Variants in GPC5 observed in about 807,000 individuals in gnomAD.
The protein encoded by GPC5 is glypican-5.
Under a neutral mutation model 53.9 loss-of-function variants are expected in GPC5, and 47 were observed. The observed-to-expected ratio is 0.87, with a 90% CI of 0.69 to 1.11. The LOEUF (loss-of-function observed/expected upper bound fraction) is 1.11. Ranked by LOEUF, GPC5 falls within the 50% of genes most tolerant of loss-of-function variation. The pLI is 0.00. For synonymous variants in GPC5, 286 were observed against 263.3 expected, an observed-to-expected ratio of 1.09 and a Z score of -0.84; for missense variants, 748 against 713.1, an observed-to-expected ratio of 1.05 and a Z score of -0.56.
At chr13:92,847,502 C>T (rs570902383) in intron 7 of GPC5, among the ~76,000 whole-genome samples, 28 of 152,206 alleles carry the variant, frequency 1.8e-4, no homozygotes, top group African/African-American at 5.1e-4. Flanking sequence ...TTAAAAGTCC[C>T]CCTTCACTCT....
At chr13:91,971,318 T>C (rs1336892533) in intron 6 of GPC5, among the ~76,000 whole-genome samples, 3,496 of 151,996 alleles carry the variant, frequency 0.023, 131 homozygotes, top group African/African-American at 0.08. Flanking sequence ...TGATATCCCC[T>C]TTATCATTTT....
At chr13:92,015,574 A>C (rs2040699523) in intron 6 of GPC5, among the ~76,000 whole-genome samples, 1 of 152,202 alleles carries the variant, frequency 6.6e-6, no homozygotes, top group African/African-American at 2.4e-5. Context: ...TGTTATTGAG[A>C]GGTAGTAAAA....
chr13:92,124,594 C>G (rs963607297), intron 6 of GPC5, among the ~76,000 whole-genome samples: 2 of 152,128 alleles, frequency 1.3e-5, no homozygotes, highest in African/African-American at 4.8e-5. Flanking sequence ...AAAATAGTCA[C>G]CCACATGTTA....
intron 7 of GPC5, among the ~76,000 whole-genome samples, chr13:92,766,920 CA>C (rs1875426705): frequency 6.6e-6 from 1 of 152,184 alleles, no homozygotes; most frequent in Admixed American, 6.5e-5. Context: ...AGAACTATTA[CA>C]ATGCCTCTAG....
At chr13:91,812,419 T>C (rs948610518) in intron 5 of GPC5, among the ~76,000 whole-genome samples, 14 of 152,216 alleles carry the variant, frequency 9.2e-5, no homozygotes, top group African/African-American at 2.9e-4. Flanking sequence ...AAAATATTTA[T>C]GAAGTACTTT....
intron 7 of GPC5, among the ~76,000 whole-genome samples, chr13:92,798,300 A>G (rs950948324): frequency 9.2e-5 from 14 of 151,898 alleles, no homozygotes; most frequent in African/African-American, 3.4e-4. Flanking sequence ...GATGATATAC[A>G]CTCAGCAATT....
chr13:92,230,164 A>G (rs1299165603), intron 7 of GPC5, among the ~76,000 whole-genome samples: 1 of 152,186 alleles, frequency 6.6e-6, no homozygotes, highest in Non-Finnish European at 1.5e-5. Context: ...ACAGCTTTGC[A>G]AGTCATATGC....
intron 6 of GPC5, among the ~76,000 whole-genome samples, chr13:92,025,654 G>C (rs1335324797): frequency 6.6e-6 from 1 of 152,094 alleles, no homozygotes; most frequent in Non-Finnish European, 1.5e-5. Flanking sequence ...CAGAAAGAGG[G>C]ATTTTGTACC....
intron 7 of GPC5, among the ~76,000 whole-genome samples, chr13:92,235,284 G>A (rs182771546): frequency 1.7e-4 from 26 of 152,188 alleles, no homozygotes; most frequent in African/African-American, 4.3e-4. Flanking sequence ...CAGAGCACCC[G>A]TGGATTGACT....
intron 7 of GPC5, among the ~76,000 whole-genome samples, chr13:92,739,560 A>G (rs887848578): frequency 2.0e-5 from 3 of 152,048 alleles, no homozygotes; most frequent in Non-Finnish European, 4.4e-5. Context: ...TTCTTTGAAT[A>G]AACTGAACAC....
intron 7 of GPC5, among the ~76,000 whole-genome samples, chr13:92,503,936 G>C (rs139443582): frequency 1.2e-4 from 18 of 151,958 alleles, no homozygotes; most frequent in African/African-American, 4.1e-4. Flanking sequence ...ATTTAAAGAA[G>C]AGTTATTTTG....
intron 2 of GPC5, among the ~76,000 whole-genome samples, chr13:91,455,099 G>A (rs77933018): frequency 0.036 from 5,529 of 151,986 alleles, 151 homozygotes; most frequent in Middle Eastern, 0.068. Flanking sequence ...AATATGTGAC[G>A]TTTATTCATT....
chr13:92,469,653 G>T (rs547803437), intron 7 of GPC5, among the ~76,000 whole-genome samples: 1 of 152,050 alleles, frequency 6.6e-6, no homozygotes, highest in Non-Finnish European at 1.5e-5. Flanking sequence ...TTTGTATAGT[G>T]CAGAATAGAC....
At chr13:91,452,438 G>C (rs1380561880) in intron 2 of GPC5, among the ~76,000 whole-genome samples, 1 of 152,104 alleles carries the variant, frequency 6.6e-6, no homozygotes, top group Admixed American at 6.6e-5. Flanking sequence ...TTTGCAAGGA[G>C]GAATGTTGGC....
intron 7 of GPC5, among the ~76,000 whole-genome samples, chr13:92,153,238 C>T (rs139538496): frequency 1.3e-5 from 2 of 152,264 alleles, no homozygotes; most frequent in African/African-American, 4.8e-5. Flanking sequence ...GTTCAATTCT[C>T]ATGCCTCAGC....
intron 7 of GPC5, among the ~76,000 whole-genome samples, chr13:92,756,094 A>G (rs1325386129): frequency 6.6e-6 from 1 of 151,786 alleles, no homozygotes; most frequent in Non-Finnish European, 1.5e-5. Context: ...AAATACTGGC[A>G]AAACGAATCC....
At chr13:92,048,832 A>G (rs1282400686) in intron 6 of GPC5, among the ~76,000 whole-genome samples, 2 of 152,194 alleles carry the variant, frequency 1.3e-5, no homozygotes, top group Non-Finnish European at 2.9e-5. Flanking sequence ...GCTTGTTTAT[A>G]ATGTTGACCA....
In GPC5 at chr13:91,894,293, C is replaced by T. The variant is rs539658738; in HGVS notation, c.1281-13644C>T. Among the ~76,000 whole-genome samples the T allele has an allele frequency of 4.6e-5, 7 of 152,074 alleles. No homozygotes were observed. In the East Asian group the frequency reaches 1.4e-3, roughly 29 times the overall value. ...TTGTTTTTTAATCTTGGCTTGCATG[C>T]CATAACCAGTGAATTTTATTTCAAC... On this transcript the variant is annotated intron_variant, in intron 5 of 7. Transcript: ENST00000377067.
chr13:92,736,493 T>C (rs183109979), intron 7 of GPC5, among the ~76,000 whole-genome samples: 1 of 152,016 alleles, frequency 6.6e-6, no homozygotes, highest in Non-Finnish European at 1.5e-5. Flanking sequence ...CGAATCATTT[T>C]CCCATAATCT....
Sources: allele counts gnomAD v4.1 joint callset (sites outside exome capture counted in the v4.1 genomes callset), GRCh38; gene constraint gnomAD v4.1.1; transcripts MANE v1.5; gene names NCBI Gene and HGNC (gene_info 2026-07-23, HGNC 2026-07-21).